Variants in PCDHA8 observed in about 807,000 individuals in gnomAD.
PCDHA8 encodes the protein protocadherin alpha 8, also known as protocadherin alpha-8.
Under a neutral mutation model 61.8 loss-of-function variants are expected in PCDHA8, and 53 were observed. The observed-to-expected ratio is 0.86, with a 90% CI of 0.69 to 1.08. The LOEUF (loss-of-function observed/expected upper bound fraction) is 1.08. Among genes scored for constraint, PCDHA8 ranks in the 50% least tolerant of loss-of-function variants. The pLI is 0.00. For missense variants in PCDHA8, 1,293 were observed against 1,245.0 expected, an observed-to-expected ratio of 1.04 and a Z score of -0.58; for synonymous variants, 618 against 556.6, an observed-to-expected ratio of 1.11 and a Z score of -1.55.
At chr5:140,931,574 C>A (rs1311706898) in intron 1 of PCDHA8, among the ~76,000 whole-genome samples, 1 of 152,024 alleles carries the variant, frequency 6.6e-6, no homozygotes, top group Non-Finnish European at 1.5e-5. Flanking sequence ...CCATCCCATT[C>A]ATTCAGTTGA....
intron 1 of PCDHA8, chr5:140,857,901 G>A (rs782807567): frequency 1.9e-6 from 3 of 1,597,728 alleles, no homozygotes; most frequent in East Asian, 4.5e-5. Flanking sequence ...GTTGGTGCAC[G>A]CATCCCGTTT....
chr5:140,937,199 G>A (rs2091405017), intron 1 of PCDHA8, among the ~76,000 whole-genome samples: 2 of 151,792 alleles, frequency 1.3e-5, no homozygotes, highest in Admixed American at 6.6e-5. Context: ...CACCATGCCC[G>A]GCTAATTTTT....
At chr5:140,939,590 C>G (rs1385974524) in intron 1 of PCDHA8, among the ~76,000 whole-genome samples, 1 of 152,052 alleles carries the variant, frequency 6.6e-6, no homozygotes, top group African/African-American at 2.4e-5. Flanking sequence ...TTTTAACATA[C>G]CTTGCTCAAA....
intron 1 of PCDHA8, 81 bp downstream of exon 1, chr5:140,843,796 T>C: frequency 2.2e-6 from 3 of 1,356,238 alleles, no homozygotes; most frequent in African/African-American, 1.4e-5. Context: ...GATTTAGTTT[T>C]TCACCGTATT....
intron 1 of PCDHA8, chr5:140,850,590 TA>T: frequency 6.3e-7 from 1 of 1,598,434 alleles, no homozygotes; most frequent in Non-Finnish European, 8.6e-7. Flanking sequence ...TGTCAACGTG[TA>T]CCTGATCATC....
intron 3 of PCDHA8, among the ~76,000 whole-genome samples, chr5:141,002,367 A>T (rs2098076282): frequency 6.6e-6 from 1 of 152,248 alleles, no homozygotes; most frequent in African/African-American, 2.4e-5. Context: ...CTTTCAACTC[A>T]TTCTGGCTTA....
chr5:141,000,383 CTCTCTCTCTCTCTA>C (rs1438422699), intron 3 of PCDHA8, among the ~76,000 whole-genome samples: 4 of 63,178 alleles, frequency 6.3e-5, no homozygotes, highest in African/African-American at 2.9e-4. Context: ...CTCTCTCTCT[CTCTCTCTCTCTCTA>C]TATATATATA....
At chr5:140,912,844 C>T (rs960802369) in intron 1 of PCDHA8, among the ~76,000 whole-genome samples, 16 of 152,150 alleles carry the variant, frequency 1.1e-4, no homozygotes, top group Admixed American at 2.6e-4. Context: ...AATGCTTTTT[C>T]AGCATCAATT....
chr5:140,867,568 T>C (rs2050045240), intron 1 of PCDHA8: 1 of 152,150 alleles, frequency 6.6e-6, no homozygotes, highest in Non-Finnish European at 1.5e-5. Context: ...AACTTTTTCA[T>C]ATGCCCTTGC....
intron 1 of PCDHA8, among the ~76,000 whole-genome samples, chr5:140,940,295 G>A (rs1363509137): frequency 5.3e-5 from 8 of 152,110 alleles, no homozygotes; most frequent in Non-Finnish European, 1.0e-4. Flanking sequence ...TGCTTCATCA[G>A]TAATTTATTA....
At chr5:140,917,206 T>G (rs1313611985) in intron 1 of PCDHA8, among the ~76,000 whole-genome samples, 1 of 152,104 alleles carries the variant, frequency 6.6e-6, no homozygotes, top group Admixed American at 6.5e-5. Context: ...CCCTCTTCAA[T>G]GCCTCTTTTA....
intron 2 of PCDHA8, among the ~76,000 whole-genome samples, chr5:140,979,979 T>C (rs1007546118): frequency 6.6e-6 from 1 of 152,194 alleles, no homozygotes; most frequent in African/African-American, 2.4e-5. Flanking sequence ...ATGCATTAGA[T>C]TGAAATAAAT....
At position 140,875,988 on chromosome 5, in the gene PCDHA8, A is replaced by G. The variant is rs144050089; in HGVS notation, c.2394+32273A>G. On this transcript the variant is annotated intron_variant, in intron 1 of 3. Transcript: ENST00000531613. ...TAAACTCTCTTTTGACCTATGCGTT[A>G]AGTCTAAATGAGAATTTTGAGCTTA... 4,280 of 1,614,014 alleles carry G rather than the reference A, an allele frequency of 2.7e-3. 13 individuals are homozygous for G. The highest frequency in any genetic ancestry group is 3.4e-3 in the Non-Finnish European group (4,021 of 1,179,898).
chr5:140,888,270 G>A (rs965190959), intron 1 of PCDHA8, among the ~76,000 whole-genome samples: 9 of 152,102 alleles, frequency 5.9e-5, no homozygotes. Flanking sequence ...ATAAGAAACA[G>A]TTTTGTCCCC....
At chr5:140,959,549 A>G (rs1240469168) in intron 1 of PCDHA8, among the ~76,000 whole-genome samples, 1 of 152,248 alleles carries the variant, frequency 6.6e-6, no homozygotes, top group East Asian at 1.9e-4. Flanking sequence ...TGCTGTATAA[A>G]TAGAATCAGT....
chr5:140,869,374 G>A, intron 1 of PCDHA8: 1 of 1,614,124 alleles, frequency 6.2e-7, no homozygotes, highest in Non-Finnish European at 8.5e-7. Context: ...TTCTCGGATC[G>A]ACCGCGAGGA....
chr5:140,877,674 G>C, intron 1 of PCDHA8: 2 of 1,613,630 alleles, frequency 1.2e-6, no homozygotes, highest in East Asian at 4.5e-5. Context: ...GGTGCGCGCC[G>C]GGCAAGCCCA....
At chr5:140,942,851 G>T (rs1211748532) in intron 1 of PCDHA8, among the ~76,000 whole-genome samples, 2 of 151,980 alleles carry the variant, frequency 1.3e-5, no homozygotes, top group Non-Finnish European at 2.9e-5. Flanking sequence ...CCAGTAAGAT[G>T]ATTATTTTGC....
Position 140,843,638 on chromosome 5 carries a change from A to G in PCDHA8, c.2317A>G (p.Ser773Gly), listed in dbSNP as rs2150364336. The change falls in exon 1 of 4, where the codon AGC (serine) becomes GGC (glycine). Residue 773 changes from serine to glycine, a missense_variant. Transcript: ENST00000531613. ...ACCGAAGACGGACCTCATGGCCTTC[A>G]GCCCCTGCCTTCCTCCTGATCTGGG... ...GPPKTDLMAF[S>G]PCLPPDLGSV... 6.9e-6 allele frequency: 11 copies of G among 1,595,882 alleles called. 1 individual carries two copies. In the African/African-American group the frequency reaches 9.4e-5, roughly 14 times the overall value.
Sources: gnomAD v4.1 joint callset for allele counts (sites outside exome capture counted in the v4.1 genomes callset) on GRCh38, gnomAD v4.1.1 for gene constraint, MANE v1.5 for transcripts, NCBI Gene and HGNC (gene_info 2026-07-23, HGNC 2026-07-21) for gene names.